PDE1C: variants seen among roughly 807,000 people sequenced by gnomAD.
PDE1C encodes phosphodiesterase 1C.
Under a neutral mutation model 93.1 loss-of-function variants are expected in PDE1C, and 62 were observed. That is an observed-to-expected ratio of 0.67 (90% CI 0.54 to 0.82). The LOEUF is 0.82. Ranked by LOEUF, PDE1C falls within the 40% of genes least tolerant of loss-of-function variation. PDE1C has a pLI of 0.00. For synonymous variants in PDE1C, 325 were observed against 310.1 expected (o/e 1.05, Z -0.50); for missense variants, 742 against 884.6 (o/e 0.84, Z 2.04).
intron 3 of PDE1C, among the ~76,000 whole-genome samples, chr7:32,150,313 A>G (rs186882569): frequency 6.6e-6 from 1 of 152,306 alleles, no homozygotes; most frequent in East Asian, 1.9e-4. Context: ...TTAAGTCCTC[A>G]GTGATAAAGA....
chr7:31,999,172 G>C (rs757609883), intron 2 of PDE1C, among the ~76,000 whole-genome samples: 25 of 152,260 alleles, frequency 1.6e-4, no homozygotes, highest in Non-Finnish European at 2.6e-4. Context: ...GGGGACAGTT[G>C]GGGGCAGAGT....
chr7:31,715,585 C>T, the PDE1C span, among the ~76,000 whole-genome samples: 1 of 152,190 alleles, frequency 6.6e-6, no homozygotes, highest in Admixed American at 6.5e-5. Context: ...TAGAATAACC[C>T]TCTCTGTATT....
the PDE1C span, among the ~76,000 whole-genome samples, chr7:31,645,597 T>C: frequency 0.78 from 118,102 of 151,966 alleles, 45,989 homozygotes; most frequent in East Asian, 0.83. Context: ...ATAACCATCA[T>C]CACCACCACC....
At chr7:31,816,897 T>C (rs367916944) in intron 14 of PDE1C, among the ~76,000 whole-genome samples, 1 of 152,150 alleles carries the variant, frequency 6.6e-6, no homozygotes, top group African/African-American at 2.4e-5. Context: ...TCTAATCCAG[T>C]TGATTATAAA....
At chr7:32,004,933 C>T (rs1218496855) in intron 2 of PDE1C, among the ~76,000 whole-genome samples, 1 of 152,174 alleles carries the variant, frequency 6.6e-6, no homozygotes, top group East Asian at 1.9e-4. Context: ...AAACTGAGGT[C>T]TCTTCTGATT....
intron 1 of PDE1C, among the ~76,000 whole-genome samples, chr7:32,245,277 C>A (rs939481920): frequency 2.6e-5 from 4 of 152,072 alleles, no homozygotes; most frequent in Non-Finnish European, 5.9e-5. Flanking sequence ...GGCAGACAGC[C>A]CTTCTCTTTG....
intron 3 of PDE1C, among the ~76,000 whole-genome samples, chr7:32,122,960 T>G (rs1354416095): frequency 6.6e-6 from 1 of 151,958 alleles, no homozygotes; most frequent in East Asian, 1.9e-4. Context: ...ATAGATAGAC[T>G]GCTAGCTAGA....
At chr7:31,969,175 A>G (rs186130378) in intron 2 of PDE1C, among the ~76,000 whole-genome samples, 1,881 of 152,340 alleles carry the variant, frequency 0.012, 15 homozygotes, top group Non-Finnish European at 0.021. Flanking sequence ...TCTGCACAGC[A>G]AAATAAACTA....
At chr7:32,295,319 G>A (rs573790667) in intron 1 of PDE1C, among the ~76,000 whole-genome samples, 16 of 152,314 alleles carry the variant, frequency 1.1e-4, no homozygotes, top group Middle Eastern at 3.4e-3. Context: ...TGATGTGTGG[G>A]ACAAACCCGG....
chr7:32,317,477 C>G (rs910527544), intron 1 of PDE1C, among the ~76,000 whole-genome samples: 6 of 152,066 alleles, frequency 3.9e-5, no homozygotes, highest in African/African-American at 1.4e-4. Flanking sequence ...CAGATACCCT[C>G]TTCTGATGGC....
At chr7:32,367,073 T>C (rs1784242793) in intron 1 of PDE1C, among the ~76,000 whole-genome samples, 2 of 151,980 alleles carry the variant, frequency 1.3e-5, no homozygotes, top group African/African-American at 2.4e-5. Flanking sequence ...AAGAATATCA[T>C]GCCCAGCAAA....
chr7:32,346,808 C>G (rs1291318795), intron 1 of PDE1C, among the ~76,000 whole-genome samples: 1 of 152,082 alleles, frequency 6.6e-6, no homozygotes, highest in Non-Finnish European at 1.5e-5. Flanking sequence ...CAAACATTAT[C>G]CAAGGTAAAA....
chr7:31,920,807 A>G (rs1802527205), intron 2 of PDE1C, among the ~76,000 whole-genome samples: 1 of 152,216 alleles, frequency 6.6e-6, no homozygotes, highest in Admixed American at 6.5e-5. Flanking sequence ...AAAATGTGGT[A>G]TGACTATTTT....
chr7:31,770,438 G>T lies in PDE1C; in HGVS notation c.1960+5226C>A, dbSNP rs368368827. ...CTAATTTTTTCTTGGTTGTTTGCAC[G>T]TTGTTATGTTTAAGAAACCACTGCC... On this transcript the variant is annotated intron_variant, in intron 17 of 17. Transcript: ENST00000396191. 3.5e-4 allele frequency among the ~76,000 whole-genome samples: 54 copies of T among 152,224 alleles called. 1 individual carries two copies. The highest frequency in any genetic ancestry group is 1.3e-3 in the African/African-American group (54 of 41,556).
intron 2 of PDE1C, among the ~76,000 whole-genome samples, chr7:31,973,268 A>C (rs539063259): frequency 3.9e-5 from 6 of 152,280 alleles, no homozygotes; most frequent in African/African-American, 1.2e-4. Context: ...AGATGGAGAA[A>C]AGAAAGAGTA....
intron 1 of PDE1C, among the ~76,000 whole-genome samples, chr7:32,066,435 C>T (rs1017344910): frequency 5.3e-5 from 8 of 152,072 alleles, no homozygotes; most frequent in Non-Finnish European, 1.0e-4. Context: ...ATTTATTATA[C>T]CAACTACCTC....
At chr7:32,158,852 A>G (rs1046384474) in intron 3 of PDE1C, among the ~76,000 whole-genome samples, 1 of 152,204 alleles carries the variant, frequency 6.6e-6, no homozygotes, top group African/African-American at 2.4e-5. Flanking sequence ...CTCATGGCAA[A>G]CAAGGCCCTA....
At chr7:31,895,532 G>A (rs1314014301) in intron 2 of PDE1C, among the ~76,000 whole-genome samples, 2 of 151,760 alleles carry the variant, frequency 1.3e-5, no homozygotes, top group African/African-American at 4.8e-5. Context: ...TGTTTAAATT[G>A]CTAGATTGGG....
chr7:31,694,270 G>C, the PDE1C span, among the ~76,000 whole-genome samples: 1 of 152,086 alleles, frequency 6.6e-6, no homozygotes, highest in Non-Finnish European at 1.5e-5. Flanking sequence ...CCTAAGTTTA[G>C]TGGAAGGTTA....
Sources: allele counts gnomAD v4.1 joint callset (sites outside exome capture counted in the v4.1 genomes callset), GRCh38; gene constraint gnomAD v4.1.1; transcripts MANE v1.5; gene names NCBI Gene and HGNC (gene_info 2026-07-23, HGNC 2026-07-21).